Variants in NCL observed in about 807,000 individuals in gnomAD.
The protein encoded by NCL is nucleolin multifunctional protein.
A neutral mutation model predicts 77.7 loss-of-function variants in NCL; 4 were observed. The ratio of observed to expected loss-of-function variants is 0.05; its 90% CI spans 0.03 to 0.12. The LOEUF (loss-of-function observed/expected upper bound fraction) is 0.12, where lower values mean the gene tolerates loss of function less well. Ranked by LOEUF, NCL falls within the 10% of genes least tolerant of loss-of-function variation. The probability of loss-of-function intolerance (pLI) is 1.00; values close to 1 mark genes in which losing one functional copy is unlikely to be tolerated. For synonymous variants in NCL, 344 were observed against 297.8 expected (o/e 1.16, Z -1.60); for missense variants, 763 against 860.9 (o/e 0.89, Z 1.42).
chr2:231,464,320 GC>G lies in NCL; in HGVS notation c.18+15del. 1 of 1,588,554 alleles carries G rather than the reference GC, an allele frequency of 6.3e-7. No homozygotes were observed. The highest frequency in any genetic ancestry group is 8.6e-7 in the Non-Finnish European group (1 of 1,167,328). The stretch of plus-strand genomic sequence containing the variant: ...AGCAGGCCTACACGTCTGCGCTCGC[GC>G]TCAAGGCCGTTTACCTTCGCGAGCT... On this transcript the variant is annotated intron_variant, in intron 1 of 13. Transcript: ENST00000322723.
Position 231,453,604 on chromosome 2 carries a change from G to T in NCL, c.*1587C>A, listed in dbSNP as rs1454847342. 1 of 155,166 alleles carries T rather than the reference G, an allele frequency of 6.4e-6. No individual in the cohort carries two copies. The highest frequency in any genetic ancestry group is 2.4e-5 in the African/African-American group (1 of 41,462). 9.6% of individuals were successfully genotyped at this position (155,166 alleles called of 1,614,324 possible). A position where few individuals can be genotyped will look rare whatever the true frequency, so the allele number is the denominator to read the frequency against. On this transcript the variant is annotated 3_prime_UTR_variant, in exon 14 of 14. Transcript: ENST00000322723. ...GCAAGGCCTTCCTTTTTGTCCTTAG[G>T]CTTGCCTCATAGGAGACCCTCCCAC...
chr2:231,455,036 G>T lies in NCL; in HGVS notation c.*155C>A. 1 of 759,064 alleles carries T rather than the reference G, an allele frequency of 1.3e-6. No individual in the cohort carries two copies. Among genetic ancestry groups the T allele is most frequent in the Non-Finnish European group, 2.2e-6 (1 of 457,922 alleles). 47.0% of individuals were successfully genotyped at this position (759,064 alleles called of 1,614,324 possible). A position where few individuals can be genotyped will look rare whatever the true frequency, so the allele number is the denominator to read the frequency against. On this transcript the variant is annotated 3_prime_UTR_variant, in exon 14 of 14. Transcript: ENST00000322723. ...ATCCAGTCAAAACCAACACGGTATT[G>T]CCCTTGAAATGTTAACTAGACGGAT...
chr2:231,454,854 A>AC lies in NCL; in HGVS notation c.*336_*337insG, dbSNP rs2125632217. ...TTACAACCCCACGAACGCAAAAAAA[A>AC]AAAAAACAAAAACAAAACAAAAAAA... On this transcript the variant is annotated 3_prime_UTR_variant, in exon 14 of 14. Transcript: ENST00000322723. 5.2e-6 allele frequency: 1 copy of AC among 192,900 alleles called. No individual in the cohort carries two copies. The highest frequency in any genetic ancestry group is 1.4e-4 in the South Asian group (1 of 7,008). 11.9% of individuals were successfully genotyped at this position (192,900 alleles called of 1,614,324 possible).
chr2:231,463,400 TC>T, intron 1 of NCL, 84 bp from the exon 2 acceptor site: 1 of 859,874 alleles, frequency 1.2e-6, no homozygotes, highest in Non-Finnish European at 2.0e-6. Context: ...TCATACGCCA[TC>T]ATCTCCGTCC....
chr2:231,461,704 T>C lies in NCL; in HGVS notation c.449A>G (p.Asp150Gly), dbSNP rs753196810. 7.4e-6 allele frequency: 12 copies of C among 1,613,982 alleles called. No individual in the cohort carries two copies. The highest frequency in any genetic ancestry group is 1.0e-5 in the Non-Finnish European group (12 of 1,179,918). The change falls in exon 3 of 14, where the codon GAT becomes GGT. Residue 150 changes from aspartate to glycine, a missense_variant. Asp to Gly is a moderately conservative substitution (Grantham distance 94, BLOSUM62 -1). Transcript: ENST00000322723. ...CTCCTCATCCTCCTCACTGTCATCA[T>C]CCTCCTCTTCATCACTGTCTTCCTT... ...AKKEDSDEEE[D>G]DDSEEDEEDD...
rs117856380 is a variant in NCL at position 231,462,381 on chromosome 2, A to C, written c.136-364T>G. Among the ~76,000 whole-genome samples the C allele has an allele frequency of 2.8e-3, 425 of 152,304 alleles. 17 individuals are homozygous for C. In the East Asian group the frequency reaches 0.078, roughly 28 times the overall value. ...CTATGTGTAAATTATTCAGAACCTTACACATAGGAGGCTCCAAGCATTAAC... is the reference window on the plus strand; with the variant it reads ...CTATGTGTAAATTATTCAGAACCTTCCACATAGGAGGCTCCAAGCATTAAC... On this transcript the variant is annotated intron_variant, in intron 2 of 13. Transcript: ENST00000322723.
chr2:231,461,556 A>G lies in NCL; in HGVS notation c.597T>C (p.Asp199=). The part of the protein sequence containing the change: ...DEDDEDDEDD[D]DDEEDDSEEE... ...ACTCCTTACCATCTTCCTCATCGTCATCGTCATCCTCATCATCTTCGTCAT... is the reference window on the plus strand; with the variant it reads ...ACTCCTTACCATCTTCCTCATCGTCGTCGTCATCCTCATCATCTTCGTCAT... Residue 199 remains aspartate, a synonymous_variant, in exon 3 of 14, where the codon GAT becomes GAC. Transcript: ENST00000322723. 6.2e-7 allele frequency: 1 copy of G among 1,613,384 alleles called. No homozygotes were observed. The highest frequency in any genetic ancestry group is 1.1e-5 in the South Asian group (1 of 91,050).
At chr2:231,462,669 A>C in intron 2 of NCL, 2 of 448,824 alleles carry the variant, frequency 4.5e-6, no homozygotes, top group Non-Finnish European at 9.0e-6. Flanking sequence ...TTCAGTGCTC[A>C]GCTGTCTTTA....
rs1387286449 is a variant in NCL, at chr2:231,464,432, G to A, written c.-79C>T. 4 of 1,546,934 alleles carry A rather than the reference G, an allele frequency of 2.6e-6. No homozygotes were observed. Among genetic ancestry groups the A allele is most frequent in the African/African-American group, 2.7e-5 (2 of 73,106 alleles). On this transcript the variant is annotated 5_prime_UTR_variant, in exon 1 of 14. Coordinates refer to ENST00000322723, the MANE Select transcript of NCL (RefSeq NM_005381.3). Reference sequence around the variant, plus strand: ...CAAGCGACGGCGATGGCGGCCGCGGGTGCTGAAGATCCCGGAGCACGTACA... The same window carrying A: ...CAAGCGACGGCGATGGCGGCCGCGGATGCTGAAGATCCCGGAGCACGTACA...
At position 231,457,655 on chromosome 2, in the gene NCL, T is replaced by C. The variant is rs1199390120; in HGVS notation, c.1435A>G (p.Ser479Gly). 6.2e-7 allele frequency: 1 copy of C among 1,600,456 alleles called. No homozygotes were observed. Among genetic ancestry groups the C allele is most frequent in the Non-Finnish European group, 8.5e-7 (1 of 1,173,298 alleles). Residue 479 changes from serine (S) to glycine (G), a missense_variant, in exon 9 of 14, where the codon AGC (serine) becomes GGC (glycine). Physicochemically the swap from Ser to Gly is moderately conservative, Grantham distance 56 (BLOSUM62 0). This residue lies in a region of NCL where 173 missense variants were observed against 290.4 expected (regional missense o/e 0.60). Transcript: ENST00000322723. Reference sequence around the variant, plus strand: ...CCTAATTTCTTACCACTCCAAGTGCTATTCTTTCCACCTCTATAGTCTTGA... The same window carrying C: ...CCTAATTTCTTACCACTCCAAGTGCCATTCTTTCCACCTCTATAGTCTTGA... ...QNQDYRGGKNSTWSGESKTLV... is the reference protein window; with the variant it reads ...QNQDYRGGKNGTWSGESKTLV...
chr2:231,456,384 TG>T (rs1302916799), intron 11 of NCL: 6 of 901,916 alleles, frequency 6.7e-6, no homozygotes, highest in Non-Finnish European at 1.1e-5. Flanking sequence ...CCCAAGCAGG[TG>T]GGGCCCAGTG....
chr2:231,462,115 G>A (rs1422739980), intron 2 of NCL, 98 bp from the exon 3 acceptor site: 3 of 1,443,612 alleles, frequency 2.1e-6, no homozygotes, highest in African/African-American at 2.8e-5. Flanking sequence ...AATGCCTCTG[G>A]TTCAAGACCA....
chr2:231,455,574 T>G lies in NCL; in HGVS notation c.1883A>C (p.Glu628Ala), dbSNP rs758579706. ...NSEEDAKAAK[E>A]AMEDGEIDGN... ...ATCAATTTCACCGTCTTCCATGGCC[T>G]CCTTGGCAGCTTTGGCATCCTCCTC... Residue 628 changes from glutamate (E) to alanine (A), a missense_variant, in exon 13 of 14, where the codon GAG becomes GCG. Transcript: ENST00000322723. 4 of 1,614,162 alleles carry G rather than the reference T, an allele frequency of 2.5e-6. No individual in the cohort carries two copies. The South Asian group carries it at 3.3e-5, about 13-fold the overall frequency.
In NCL at chr2:231,464,075, G is replaced by A. The variant is rs1172787632; in HGVS notation, c.18+261C>T. 4.5e-6 allele frequency: 6 copies of A among 1,328,806 alleles called. 1 individual carries two copies. In the South Asian group the frequency reaches 1.0e-4, roughly 22 times the overall value. 82.3% of individuals were successfully genotyped at this position (1,328,806 alleles called of 1,614,324 possible). A position where few individuals can be genotyped will look rare whatever the true frequency, so the allele number is the denominator to read the frequency against. On this transcript the variant is annotated intron_variant, in intron 1 of 13. Coordinates refer to ENST00000322723, the MANE Select transcript of NCL (RefSeq NM_005381.3). Reference sequence around the variant, plus strand: ...AAGTTTGGTCTCATCTCTCCACCCCGAGGCCCAGCGCCCCCTCCCCGCGCT... The same window carrying A: ...AAGTTTGGTCTCATCTCTCCACCCCAAGGCCCAGCGCCCCCTCCCCGCGCT...
intron 7 of NCL, 78 bp downstream of exon 7, chr2:231,458,923 G>T (rs1575260602): frequency 7.3e-7 from 1 of 1,363,672 alleles, no homozygotes; most frequent in East Asian, 2.7e-5. Context: ...AGGAAACCAA[G>T]GGAAATGGGT....
intron 1 of NCL, 43 bp downstream of exon 1, chr2:231,464,293 A>C (rs944577964): frequency 2.8e-5 from 43 of 1,562,392 alleles, no homozygotes; most frequent in Non-Finnish European, 3.6e-5. Context: ...CGCCCCTCGG[A>C]AAGCAGGCCT....
intron 12 of NCL, 49 bp downstream of exon 12, chr2:231,455,961 A>G (rs572406712): frequency 1.9e-6 from 3 of 1,613,954 alleles, no homozygotes; most frequent in Admixed American, 3.3e-5. Flanking sequence ...GTCTGCACAG[A>G]ACAAAAACCC....
In NCL at chr2:231,463,244, C is replaced by T. The variant is rs1222097527; in HGVS notation, c.91G>A (p.Glu31Lys). The change falls in exon 2 of 14, where the codon GAG (glutamate) becomes AAG (lysine). Residue 31 changes from glutamate to lysine, a missense_variant. By Grantham distance (56) the Glu-to-Lys change is moderately conservative. Around this residue, in one of 2 missense-constraint regions of NCL, gnomAD observed 590 missense variants for 570.5 expected, o/e 1.03. Transcript: ENST00000322723. ...PKEVEEDSED[E>K]EMSEDEEDDS... ...TCTTCTTCATCTTCTGACATTTCCTCATCTTCACTATCTTCTTCTACCTCC... is the reference window on the plus strand; with the variant it reads ...TCTTCTTCATCTTCTGACATTTCCTTATCTTCACTATCTTCTTCTACCTCC... 1 of 1,612,200 alleles carries T rather than the reference C, an allele frequency of 6.2e-7. No homozygotes were observed. Among genetic ancestry groups the T allele is most frequent in the African/African-American group, 1.3e-5 (1 of 74,988 alleles).
intron 1 of NCL, 140 bp from the exon 2 acceptor site, chr2:231,463,456 A>G: frequency 1.4e-6 from 1 of 716,838 alleles, no homozygotes; most frequent in Non-Finnish European, 2.5e-6. Context: ...CTAACATAGA[A>G]ACTACTCCTG....
Sources: allele counts gnomAD v4.1 joint callset (sites outside exome capture counted in the v4.1 genomes callset), GRCh38; gene constraint gnomAD v4.1.1; regional missense constraint gnomAD v4.1.1; transcripts MANE v1.5; gene names NCBI Gene and HGNC (gene_info 2026-07-23, HGNC 2026-07-21).